The following SORCS1 variants were observed in gnomAD, a reference collection of about 807,000 sequenced individuals.
The protein encoded by SORCS1 is sortilin related VPS10 domain containing receptor 1, also known as VPS10 domain-containing receptor SorCS1.
In SORCS1, 60 loss-of-function variants were observed where a neutral mutation model predicts 146.1. The observed-to-expected ratio is 0.41, with a 90% confidence interval of 0.33 to 0.51. The LOEUF is 0.51. Ranked by LOEUF, SORCS1 falls within the 20% of genes least tolerant of loss-of-function variation. SORCS1 has a pLI of 0.21. For synonymous variants in SORCS1, 637 were observed against 584.0 expected (o/e 1.09, Z -1.31); for missense variants, 1,352 against 1,487.6 (o/e 0.91, Z 1.50).
At chr10:107,092,362 A>T (rs1316184562) in intron 1 of SORCS1, among the ~76,000 whole-genome samples, 1 of 152,176 alleles carries the variant, frequency 6.6e-6, no homozygotes, top group East Asian at 1.9e-4. Context: ...TCTTCAGGAG[A>T]TCATTGTTTA....
chr10:107,150,420 T>C (rs1337471019), intron 1 of SORCS1, among the ~76,000 whole-genome samples: 1 of 152,238 alleles, frequency 6.6e-6, no homozygotes, highest in Non-Finnish European at 1.5e-5. Flanking sequence ...ACCCATCTGA[T>C]GAACATATGG....
At chr10:106,958,948 G>A (rs1162130829) in intron 1 of SORCS1, among the ~76,000 whole-genome samples, 1 of 152,016 alleles carries the variant, frequency 6.6e-6, no homozygotes, top group Admixed American at 6.6e-5. Context: ...AGAAAATAGG[G>A]GTGTGGGCAT....
At chr10:106,944,945 ATGTGATC>A (rs1338372723) in intron 2 of SORCS1, among the ~76,000 whole-genome samples, 2 of 121,510 alleles carry the variant, frequency 1.6e-5, no homozygotes, top group Non-Finnish European at 3.2e-5. Flanking sequence ...ACATGCAGTG[ATGTGATC>A]TTGGCTCACT....
At chr10:106,918,985 C>A (rs1426923672) in intron 2 of SORCS1, among the ~76,000 whole-genome samples, 6 of 152,086 alleles carry the variant, frequency 3.9e-5, no homozygotes, top group Non-Finnish European at 1.5e-5. Context: ...CACAGGTGTG[C>A]ACCACCACAC....
chr10:106,772,607 A>C (rs969592562), intron 4 of SORCS1, among the ~76,000 whole-genome samples: 2 of 152,148 alleles, frequency 1.3e-5, no homozygotes, highest in South Asian at 4.2e-4. Flanking sequence ...GTAAAAACAA[A>C]AAATATCAAA....
At chr10:106,950,054 A>G (rs1954591975) in intron 2 of SORCS1, among the ~76,000 whole-genome samples, 1 of 152,242 alleles carries the variant, frequency 6.6e-6, no homozygotes, top group Non-Finnish European at 1.5e-5. Flanking sequence ...TGATAAAACC[A>G]CCACGCTCTC....
At chr10:106,806,723 G>T (rs1005906924) in intron 3 of SORCS1, among the ~76,000 whole-genome samples, 15 of 151,842 alleles carry the variant, frequency 9.9e-5, no homozygotes, top group Non-Finnish European at 8.8e-5. Context: ...CACCATGTTA[G>T]CCAGGATGGT....
chr10:106,830,645 C>A (rs141768504), intron 2 of SORCS1, among the ~76,000 whole-genome samples: 1 of 150,542 alleles, frequency 6.6e-6, no homozygotes, highest in African/African-American at 2.5e-5. Context: ...CCTGTAATAC[C>A]AGCACTTTAG....
intron 25 of SORCS1, 73 bp downstream of exon 25, chr10:106,579,296 A>T (rs770464141): frequency 6.2e-7 from 1 of 1,614,058 alleles, no homozygotes. Flanking sequence ...CATCACTGTA[A>T]CACATGCTTC....
intron 2 of SORCS1, among the ~76,000 whole-genome samples, chr10:106,879,163 AT>A (rs1950720229): frequency 6.6e-6 from 1 of 151,188 alleles, no homozygotes; most frequent in Non-Finnish European, 1.5e-5. Context: ...AAAAAAAAAA[AT>A]TCATTGATAA....
intron 18 of SORCS1, among the ~76,000 whole-genome samples, chr10:106,631,302 C>G (rs539083293): frequency 3.2e-4 from 48 of 152,274 alleles, no homozygotes; most frequent in African/African-American, 1.1e-3. Flanking sequence ...TATCCAAAGC[C>G]CAGACATTGT....
the SORCS1 span, among the ~76,000 whole-genome samples, chr10:107,175,406 T>C: frequency 6.6e-6 from 1 of 152,174 alleles, no homozygotes; most frequent in Non-Finnish European, 1.5e-5. Context: ...TGGGAAGCTT[T>C]ATTTACTATT....
At chr10:106,730,681 T>C (rs192376532) in intron 5 of SORCS1, among the ~76,000 whole-genome samples, 230 of 152,282 alleles carry the variant, frequency 1.5e-3, no homozygotes, top group African/African-American at 5.1e-3. Context: ...CCTGAAACCA[T>C]ATGTGTAAGC....
intron 18 of SORCS1, among the ~76,000 whole-genome samples, chr10:106,640,870 G>A (rs554239319): frequency 8.5e-5 from 13 of 152,298 alleles, no homozygotes; most frequent in Middle Eastern, 3.4e-3. Flanking sequence ...GAAAATGTCC[G>A]GCATCTTAGA....
At chr10:106,962,431 A>T (rs558207699) in intron 1 of SORCS1, among the ~76,000 whole-genome samples, 16 of 151,266 alleles carry the variant, frequency 1.1e-4, no homozygotes, top group African/African-American at 3.6e-4. Flanking sequence ...AAAAGAAAAG[A>T]AAAAGAAAAT....
At chr10:106,905,884 A>G (rs1951888771) in intron 2 of SORCS1, among the ~76,000 whole-genome samples, 1 of 152,228 alleles carries the variant, frequency 6.6e-6, no homozygotes, top group Admixed American at 6.5e-5. Context: ...TAGCTTTAAA[A>G]CAATCCCATA....
chr10:106,641,819 T>C (rs973532502), intron 18 of SORCS1, among the ~76,000 whole-genome samples: 2 of 152,040 alleles, frequency 1.3e-5, no homozygotes, highest in African/African-American at 4.8e-5. Flanking sequence ...GATAATTTAT[T>C]ATTAATCTTT....
intron 6 of SORCS1, among the ~76,000 whole-genome samples, chr10:106,710,922 T>C (rs1157074346): frequency 6.6e-6 from 1 of 152,256 alleles, no homozygotes; most frequent in African/African-American, 2.4e-5. Flanking sequence ...AAGCACGTTC[T>C]AGATTTCAGC....
At chr10:106,797,436 G>C (rs1305427832) in intron 3 of SORCS1, among the ~76,000 whole-genome samples, 1 of 151,564 alleles carries the variant, frequency 6.6e-6, no homozygotes, top group Non-Finnish European at 1.5e-5. Context: ...TCTATACTTA[G>C]GTGATTTTCA....
Sources: allele counts gnomAD v4.1 joint callset (sites outside exome capture counted in the v4.1 genomes callset), GRCh38; gene constraint gnomAD v4.1.1; transcripts MANE v1.5; gene names NCBI Gene and HGNC (gene_info 2026-07-23, HGNC 2026-07-21).